The following PDZRN4 variants were observed in gnomAD, a reference collection of about 807,000 sequenced individuals.
The protein encoded by PDZRN4 is PDZ domain containing ring finger 4, also known as PDZ domain-containing RING finger protein 4.
PDZRN4 carries 70 observed loss-of-function variants against 99.0 expected under a neutral mutation model. That is an observed-to-expected ratio of 0.71 (90% CI 0.58 to 0.86). PDZRN4 has a LOEUF of 0.86. Among genes scored for constraint, PDZRN4 ranks in the 40% least tolerant of loss-of-function variants. The pLI, the probability that PDZRN4 is intolerant of heterozygous loss-of-function variation, is 0.00. For missense variants in PDZRN4, 1,474 were observed against 1,331.2 expected, an observed-to-expected ratio of 1.11 and a Z score of -1.67; for synonymous variants, 551 against 501.6, an observed-to-expected ratio of 1.10 and a Z score of -1.32.
rs74078836 is a variant in PDZRN4 at position 41,431,923 on chromosome 12, A to T, written c.844-74533A>T. 3.9e-3 allele frequency among the ~76,000 whole-genome samples: 595 copies of T among 152,316 alleles called. 2 individuals are homozygous for T. The highest frequency in any genetic ancestry group is 0.014 in the African/African-American group (577 of 41,568). Reference sequence around the variant, plus strand: ...GTTGCACAGTGCTGTTAAAAATAAAACTAGATTAGAATCAAAAGGCAAAGT... The same window carrying T: ...GTTGCACAGTGCTGTTAAAAATAAATCTAGATTAGAATCAAAAGGCAAAGT... On this transcript the variant is annotated intron_variant, in intron 3 of 9. Coordinates refer to ENST00000402685, the MANE Select transcript of PDZRN4 (RefSeq NM_001164595.2).
At chr12:41,306,634 C>T (rs373654266) in intron 3 of PDZRN4, among the ~76,000 whole-genome samples, 5 of 152,084 alleles carry the variant, frequency 3.3e-5, no homozygotes, top group African/African-American at 9.7e-5. Context: ...ACAGATAGGC[C>T]GAGAATTCTC....
At chr12:41,335,686 TC>T (rs1234830726) in intron 3 of PDZRN4, among the ~76,000 whole-genome samples, 2 of 152,102 alleles carry the variant, frequency 1.3e-5, no homozygotes, top group Non-Finnish European at 2.9e-5. Flanking sequence ...TTTGTGGACT[TC>T]TGCTCAGTAG....
At chr12:41,542,635 G>A (rs1025837664) in intron 5 of PDZRN4, among the ~76,000 whole-genome samples, 1 of 152,088 alleles carries the variant, frequency 6.6e-6, no homozygotes, top group African/African-American at 2.4e-5. Context: ...GTATCAGCAT[G>A]GTAACAATAA....
chr12:41,354,959 G>A (rs1951915983), intron 3 of PDZRN4, among the ~76,000 whole-genome samples: 1 of 152,038 alleles, frequency 6.6e-6, no homozygotes, highest in South Asian at 2.1e-4. Context: ...GTGGAATTGA[G>A]GCAAGGTAAA....
chr12:41,286,925 C>T (rs1951426291), intron 3 of PDZRN4, among the ~76,000 whole-genome samples: 2 of 152,044 alleles, frequency 1.3e-5, no homozygotes, highest in African/African-American at 4.8e-5. Flanking sequence ...CTTTATGTTA[C>T]CTAGGCTTGG....
chr12:41,379,017 C>T (rs1265469918), intron 3 of PDZRN4, among the ~76,000 whole-genome samples: 1 of 152,094 alleles, frequency 6.6e-6, no homozygotes, highest in Non-Finnish European at 1.5e-5. Context: ...GCTTTTCTTT[C>T]TTGGGAGGCT....
At chr12:41,460,196 A>G (rs1444313401) in intron 3 of PDZRN4, 11 of 669,964 alleles carry the variant, frequency 1.6e-5, no homozygotes, top group Non-Finnish European at 2.3e-5. Context: ...TTATTCCTAT[A>G]TTGAATATCC....
At chr12:41,359,941 A>G (rs1228796268) in intron 3 of PDZRN4, among the ~76,000 whole-genome samples, 1 of 152,036 alleles carries the variant, frequency 6.6e-6, no homozygotes, top group African/African-American at 2.4e-5. Context: ...CTTGCTATTC[A>G]TAGTAATACT....
intron 3 of PDZRN4, among the ~76,000 whole-genome samples, chr12:41,479,648 A>G (rs1452842731): frequency 1.3e-5 from 2 of 152,186 alleles, no homozygotes; most frequent in East Asian, 1.9e-4. Context: ...CTCTCTGGAA[A>G]GATGGTTAGA....
chr12:41,468,040 CA>C (rs1283784013), intron 3 of PDZRN4, among the ~76,000 whole-genome samples: 3 of 152,000 alleles, frequency 2.0e-5, no homozygotes, highest in Non-Finnish European at 4.4e-5. Context: ...ATAAAGATGA[CA>C]AAAAGAAACC....
chr12:41,551,937 A>G (rs935084274), intron 5 of PDZRN4, among the ~76,000 whole-genome samples: 1 of 152,218 alleles, frequency 6.6e-6, no homozygotes, highest in African/African-American at 2.4e-5. Flanking sequence ...TGAATTTAAT[A>G]TACATTACCT....
chr12:41,563,252 C>A (rs1295059596), intron 7 of PDZRN4, among the ~76,000 whole-genome samples: 1 of 152,148 alleles, frequency 6.6e-6, no homozygotes, highest in South Asian at 2.1e-4. Flanking sequence ...GAAAGATGAA[C>A]GTCACCTGTC....
chr12:41,323,534 C>T (rs1158625948), intron 3 of PDZRN4, among the ~76,000 whole-genome samples: 1 of 151,978 alleles, frequency 6.6e-6, no homozygotes, highest in African/African-American at 2.4e-5. Context: ...GATTGATCTT[C>T]TTATTGTATT....
chr12:41,557,734 T>C (rs549135151), intron 7 of PDZRN4, among the ~76,000 whole-genome samples: 2 of 152,142 alleles, frequency 1.3e-5, no homozygotes, highest in South Asian at 4.1e-4. Flanking sequence ...CAGGAAAGAA[T>C]ACAAAGTGTG....
chr12:41,328,835 T>C (rs979113159), intron 3 of PDZRN4, among the ~76,000 whole-genome samples: 1 of 152,136 alleles, frequency 6.6e-6, no homozygotes, highest in Non-Finnish European at 1.5e-5. Flanking sequence ...GAGTGGACTT[T>C]ATTTTGTGAC....
At chr12:41,521,497 A>T (rs949212152) in intron 5 of PDZRN4, among the ~76,000 whole-genome samples, 1 of 152,136 alleles carries the variant, frequency 6.6e-6, no homozygotes, top group African/African-American at 2.4e-5. Flanking sequence ...AAATAATGGA[A>T]AAACACATAT....
At chr12:41,507,027 T>G (rs1418338881) in intron 4 of PDZRN4, among the ~76,000 whole-genome samples, 6 of 152,110 alleles carry the variant, frequency 3.9e-5, no homozygotes, top group Non-Finnish European at 7.4e-5. Flanking sequence ...TGAACACTGG[T>G]CAGGGAAATC....
Position 41,567,268 on chromosome 12 carries a change from C to G in PDZRN4, c.1468-515C>G, listed in dbSNP as rs1052741735. Among the ~76,000 whole-genome samples, 6 of 152,084 alleles carry G rather than the reference C, an allele frequency of 3.9e-5. No individual in the cohort carries two copies. In the South Asian group the frequency reaches 1.0e-3, roughly 26 times the overall value. On this transcript the variant is annotated intron_variant, in intron 8 of 9. Coordinates refer to ENST00000402685, the MANE Select transcript of PDZRN4 (RefSeq NM_001164595.2). Reference sequence around the variant, plus strand: ...ACAAAATAAATGTCTTCTGTACATTCTTTTGTGGCAAGCAGCCATCTTGTT... The same window carrying G: ...ACAAAATAAATGTCTTCTGTACATTGTTTTGTGGCAAGCAGCCATCTTGTT...
chr12:41,401,841 C>T (rs769144710), intron 3 of PDZRN4, among the ~76,000 whole-genome samples: 3 of 151,706 alleles, frequency 2.0e-5, no homozygotes, highest in Admixed American at 1.3e-4. Flanking sequence ...CTCCCCAGAC[C>T]GTGCCAAAAC....
Sources: gnomAD v4.1 joint callset for allele counts (sites outside exome capture counted in the v4.1 genomes callset) on GRCh38, gnomAD v4.1.1 for gene constraint, MANE v1.5 for transcripts, NCBI Gene and HGNC (gene_info 2026-07-23, HGNC 2026-07-21) for gene names.